SPECC1: variants seen among roughly 807,000 people sequenced by gnomAD.
SPECC1 encodes the protein cytospin-B.
In SPECC1, 62 loss-of-function variants were observed where a neutral mutation model predicts 104.1. That is an observed-to-expected ratio of 0.60 (90% CI 0.49 to 0.74). SPECC1 has a LOEUF of 0.74. SPECC1 is among the 30% of genes least tolerant of loss of function. The pLI is 0.00. For missense variants in SPECC1, 1,306 were observed against 1,310.5 expected (o/e 1.00, Z 0.05); for synonymous variants, 513 against 501.6 (o/e 1.02, Z -0.30).
chr17:20,173,072 G>A (rs2151188506), intron 3 of SPECC1, among the ~76,000 whole-genome samples: 1 of 152,326 alleles, frequency 6.6e-6, no homozygotes, highest in East Asian at 1.9e-4. Flanking sequence ...ACGCTCTAGT[G>A]AGTCCAGACT....
intron 1 of SPECC1, among the ~76,000 whole-genome samples, chr17:20,075,607 G>A (rs1053365106): frequency 2.0e-5 from 3 of 152,106 alleles, no homozygotes; most frequent in Non-Finnish European, 4.4e-5. Context: ...TTCGAGAACA[G>A]CCTGGGAAAC....
chr17:20,143,131 G>A (rs1033104513), intron 3 of SPECC1, among the ~76,000 whole-genome samples: 10 of 150,304 alleles, frequency 6.7e-5, no homozygotes, highest in East Asian at 1.9e-4. Flanking sequence ...GAAACACCAC[G>A]TCTTAGAAAC....
At chr17:20,287,711 T>C (rs2041005451) in intron 12 of SPECC1, among the ~76,000 whole-genome samples, 1 of 152,094 alleles carries the variant, frequency 6.6e-6, no homozygotes, top group South Asian at 2.1e-4. Context: ...AGGTTGCTGC[T>C]TGGCCTTATG....
intron 10 of SPECC1, among the ~76,000 whole-genome samples, chr17:20,254,661 G>A (rs771786708): frequency 1.3e-5 from 2 of 152,076 alleles, no homozygotes; most frequent in Non-Finnish European, 2.9e-5. Flanking sequence ...TGACTGTTAG[G>A]AAATAAAAAA....
chr17:20,148,436 G>T (rs2031668043), intron 3 of SPECC1, among the ~76,000 whole-genome samples: 1 of 150,894 alleles, frequency 6.6e-6, no homozygotes, highest in South Asian at 2.1e-4. Context: ...ATAGGGTCTT[G>T]TGCTGTTTCC....
At chr17:20,271,608 T>C (rs942047893) in intron 12 of SPECC1, among the ~76,000 whole-genome samples, 1 of 152,176 alleles carries the variant, frequency 6.6e-6, no homozygotes, top group African/African-American at 2.4e-5. Context: ...GGGTCAGGGG[T>C]TGCAGCTGTG....
At chr17:20,295,294 G>A (rs1167928703) in intron 12 of SPECC1, among the ~76,000 whole-genome samples, 1 of 151,250 alleles carries the variant, frequency 6.6e-6, no homozygotes, top group African/African-American at 2.4e-5. Flanking sequence ...CCTTGTGATA[G>A]TTTACTCAGT....
At chr17:20,238,968 G>T (rs1263110050) in intron 7 of SPECC1, 10 of 1,038,336 alleles carry the variant, frequency 9.6e-6, no homozygotes, top group Non-Finnish European at 2.3e-6. Flanking sequence ...ATTTTTTTCT[G>T]AATACAGTTT....
In SPECC1 at chr17:20,297,978, G is replaced by T. The variant is rs78325877; in HGVS notation, c.3057+901G>T. Among the ~76,000 whole-genome samples the T allele has an allele frequency of 8.7e-3, 1,322 of 152,312 alleles. 17 individuals carry two copies. Among genetic ancestry groups the T allele is most frequent in the African/African-American group, 0.03 (1,251 of 41,576 alleles). ...ATTAGCAAGGATAAGTGGTCTAAGA[G>T]CCCAGAGAGAAACTCAGTGCTGTGA... is the stretch of plus-strand genomic sequence containing the variant. On this transcript the variant is annotated intron_variant, in intron 13 of 14. Transcript: ENST00000395527.
intron 1 of SPECC1, among the ~76,000 whole-genome samples, chr17:20,091,080 T>C (rs2047382835): frequency 6.6e-6 from 1 of 152,186 alleles, no homozygotes; most frequent in African/African-American, 2.4e-5. Context: ...AGTTTTTGTT[T>C]TTATCACTTC....
chr17:20,054,663 A>G (rs2045894210), intron 1 of SPECC1, among the ~76,000 whole-genome samples: 3 of 151,194 alleles, frequency 2.0e-5, no homozygotes, highest in Non-Finnish European at 4.4e-5. Flanking sequence ...AAAATGTTTG[A>G]TATTCTTTTT....
chr17:20,052,376 A>G (rs1331777225), intron 1 of SPECC1, among the ~76,000 whole-genome samples: 1 of 152,222 alleles, frequency 6.6e-6, no homozygotes, highest in Non-Finnish European at 1.5e-5. Context: ...TGTATTGAAC[A>G]TTGTATTAGA....
chr17:20,096,537 C>T (rs1232615369), intron 1 of SPECC1, 94 bp from the exon 2 acceptor site: 1 of 1,364,874 alleles, frequency 7.3e-7, no homozygotes, highest in Non-Finnish European at 1.0e-6. Flanking sequence ...TGTGATAGTT[C>T]ATGGTGACGT....
At chr17:20,073,156 A>G (rs766369629) in intron 1 of SPECC1, among the ~76,000 whole-genome samples, 10 of 152,148 alleles carry the variant, frequency 6.6e-5, no homozygotes, top group Non-Finnish European at 1.0e-4. Context: ...TAGTTGGCTC[A>G]CCAGAAGCCC....
intron 4 of SPECC1, among the ~76,000 whole-genome samples, chr17:20,222,973 T>C (rs2037979160): frequency 6.6e-6 from 1 of 152,210 alleles, no homozygotes; most frequent in South Asian, 2.1e-4. Context: ...CTAGGATCTT[T>C]TCATTATCTT....
intron 1 of SPECC1, among the ~76,000 whole-genome samples, chr17:20,082,382 T>C (rs80087800): frequency 0.016 from 2,406 of 152,216 alleles, 59 homozygotes; most frequent in African/African-American, 0.055. Flanking sequence ...GGAGAATTGC[T>C]TCATCCCAGG....
intron 3 of SPECC1, among the ~76,000 whole-genome samples, chr17:20,180,999 TAA>T (rs35656680): frequency 6.6e-6 from 1 of 151,526 alleles, no homozygotes; most frequent in African/African-American, 2.4e-5. Context: ...AAATTAGTGG[TAA>T]AAAAAAAGAG....
At chr17:20,133,118 T>C (rs1313486297) in intron 3 of SPECC1, among the ~76,000 whole-genome samples, 1 of 152,210 alleles carries the variant, frequency 6.6e-6, no homozygotes, top group Non-Finnish European at 1.5e-5. Flanking sequence ...CCAGTTTCAT[T>C]CCTGCCATTG....
intron 4 of SPECC1, among the ~76,000 whole-genome samples, chr17:20,206,783 C>T (rs1002062770): frequency 6.6e-6 from 1 of 152,126 alleles, no homozygotes; most frequent in Non-Finnish European, 1.5e-5. Context: ...CCAGATTGCC[C>T]TTCAGAAATA....
Sources: gnomAD v4.1 joint callset for allele counts (sites outside exome capture counted in the v4.1 genomes callset) on GRCh38, gnomAD v4.1.1 for gene constraint, MANE v1.5 for transcripts, NCBI Gene and HGNC (gene_info 2026-07-23, HGNC 2026-07-21) for gene names.